Variants in GLIPR1 observed in about 807,000 individuals in gnomAD.
GLIPR1 encodes glioma pathogenesis-related protein 1.
A neutral mutation model predicts 30.3 loss-of-function variants in GLIPR1; 38 were observed. The ratio of observed to expected loss-of-function variants is 1.26; its 90% CI spans 0.97 to 1.65. The LOEUF is 1.65. Ranked by LOEUF, GLIPR1 falls within the 40% of genes most tolerant of loss-of-function variation. The probability of loss-of-function intolerance (pLI) is 0.00; values close to 1 mark genes in which losing one functional copy is unlikely to be tolerated. For synonymous variants in GLIPR1, 122 were observed against 110.6 expected (o/e 1.10, Z -0.65); for missense variants, 285 against 326.5 (o/e 0.87, Z 0.98).
At chr12:75,487,281 A>G (rs2046297750) in intron 2 of GLIPR1, among the ~76,000 whole-genome samples, 1 of 152,256 alleles carries the variant, frequency 6.6e-6, no homozygotes, top group African/African-American at 2.4e-5. Context: ...GGTCTGGGAC[A>G]GGCCCAAGAT....
Position 75,490,576 on chromosome 12 carries a change from A to G in GLIPR1, c.533+58A>G, listed in dbSNP as rs551983456. 2.9e-5 allele frequency: 9 copies of G among 308,082 alleles called. 2 individuals are homozygous for G. The African/African-American group carries it at 5.7e-4, about 19-fold the overall frequency. 19.1% of individuals were successfully genotyped at this position (308,082 alleles called of 1,614,324 possible). ...CGCCCCCCCCCCCCCGCAAAAAAAAACAACAACAAAAAAAAACATTTTAGC... is the reference window on the plus strand; with the variant it reads ...CGCCCCCCCCCCCCCGCAAAAAAAAGCAACAACAAAAAAAAACATTTTAGC... On this transcript the variant is annotated intron_variant, in intron 3 of 5. Coordinates refer to ENST00000266659, the MANE Select transcript of GLIPR1 (RefSeq NM_006851.3).
intron 2 of GLIPR1, among the ~76,000 whole-genome samples, chr12:75,485,054 T>A (rs2046287304): frequency 6.6e-6 from 1 of 152,172 alleles, no homozygotes; most frequent in Non-Finnish European, 1.5e-5. Context: ...GAAATCTTCC[T>A]GGGGGACTCA....
intron 2 of GLIPR1, among the ~76,000 whole-genome samples, chr12:75,489,303 A>C (rs2046309095): frequency 6.6e-6 from 1 of 152,060 alleles, no homozygotes; most frequent in Non-Finnish European, 1.5e-5. Flanking sequence ...TTTCCCTCCT[A>C]CATCACTGAC....
In GLIPR1 at chr12:75,500,757, A is replaced by AGATAAAACATCAAAC. The variant is rs1566103096; in HGVS notation, c.*1780_*1794dup. 1.3e-5 allele frequency: 2 copies of AGATAAAACATCAAAC among 152,046 alleles called. No individual in the cohort carries two copies. Among genetic ancestry groups the AGATAAAACATCAAAC allele is most frequent in the African/African-American group, 4.8e-5 (2 of 41,424 alleles). 9.4% of individuals were successfully genotyped at this position (152,046 alleles called of 1,614,324 possible). A position where few individuals can be genotyped will look rare whatever the true frequency, so the allele number is the denominator to read the frequency against. ...AGGATCACAGCATAAAAGAATCATAAGATAAAACATCAAACTACCCAGCAA... is the reference window on the plus strand; with the variant it reads ...AGGATCACAGCATAAAAGAATCATAAGATAAAACATCAAACGATAAAACATCAAACTACCCAGCAA... On this transcript the variant is annotated 3_prime_UTR_variant, in exon 6 of 6. Transcript: ENST00000266659.
At chr12:75,486,464 A>G (rs1432709588) in intron 2 of GLIPR1, among the ~76,000 whole-genome samples, 1 of 152,188 alleles carries the variant, frequency 6.6e-6, no homozygotes, top group African/African-American at 2.4e-5. Flanking sequence ...TATTGTTATT[A>G]TCCTCATTTA....
At chr12:75,490,782 A>AT in intron 3 of GLIPR1, 1 of 256,094 alleles carries the variant, frequency 3.9e-6, no homozygotes, top group Non-Finnish European at 7.5e-6. Context: ...ATACGCACAT[A>AT]TTTTTAAGAG....
At chr12:75,488,654 T>G (rs566210900) in intron 2 of GLIPR1, among the ~76,000 whole-genome samples, 1 of 150,422 alleles carries the variant, frequency 6.6e-6, no homozygotes, top group African/African-American at 2.4e-5. Flanking sequence ...TAAAGTAAAC[T>G]TCTTCATTTT....
intron 2 of GLIPR1, chr12:75,487,753 G>A: frequency 2.2e-6 from 1 of 456,496 alleles, no homozygotes; most frequent in Admixed American, 2.3e-5. Context: ...CACAGGAAAG[G>A]GGTCGGGATC....
chr12:75,487,582 G>GT (rs2120514632), intron 2 of GLIPR1, among the ~76,000 whole-genome samples: 1 of 152,110 alleles, frequency 6.6e-6, no homozygotes, highest in East Asian at 1.9e-4. Flanking sequence ...CCAAAGGAGG[G>GT]TACCCTCTCC....
chr12:75,488,172 T>G (rs556364873), intron 2 of GLIPR1, among the ~76,000 whole-genome samples: 1 of 152,288 alleles, frequency 6.6e-6, no homozygotes, highest in Non-Finnish European at 1.5e-5. Context: ...CCCCTGTGAC[T>G]TAGAATGCCT....
chr12:75,483,989 G>A (rs908450591), intron 2 of GLIPR1: 1 of 152,156 alleles, frequency 6.6e-6, no homozygotes, highest in African/African-American at 2.4e-5. Context: ...GAACATTTGA[G>A]TTTATGCCAT....
rs375580761 is a variant in GLIPR1, at chr12:75,501,930, G to A, written c.*2952G>A. 152 of 1,612,130 alleles carry A rather than the reference G, an allele frequency of 9.4e-5. No individual in the cohort carries two copies. The highest frequency in any genetic ancestry group is 5.2e-4 in the Admixed American group (31 of 59,876). On this transcript the variant is annotated 3_prime_UTR_variant, in exon 6 of 6. Coordinates refer to ENST00000266659, the MANE Select transcript of GLIPR1 (RefSeq NM_006851.3). ...AGACATAAAGTGCCGTACCTTTATT[G>A]CTTCCATTTTCTGCCGCTTCTTCTG... is the stretch of plus-strand genomic sequence containing the variant.
chr12:75,495,053 TTTA>T (rs1257646084), intron 3 of GLIPR1: 1 of 152,308 alleles, frequency 6.6e-6, no homozygotes, highest in African/African-American at 2.4e-5. Flanking sequence ...CATACCATTA[TTTA>T]TTATTTTTTT....
intron 4 of GLIPR1, chr12:75,498,453 ATAGT>A: frequency 2.6e-6 from 1 of 382,140 alleles, no homozygotes; most frequent in Non-Finnish European, 4.6e-6. Flanking sequence ...TTTTCCATTT[ATAGT>A]AATGGTATAG....
At chr12:75,489,568 C>T (rs767887078) in intron 2 of GLIPR1, among the ~76,000 whole-genome samples, 1 of 152,110 alleles carries the variant, frequency 6.6e-6, no homozygotes, top group African/African-American at 2.4e-5. Flanking sequence ...CTCCTCCTTC[C>T]CTAGTTTTCT....
intron 2 of GLIPR1, chr12:75,489,800 C>T (rs10879923): frequency 0.35 from 52,701 of 152,176 alleles, 9,465 homozygotes; most frequent in East Asian, 0.45. Flanking sequence ...CCTTGCTCTT[C>T]TCAGTCCGTT....
intron 3 of GLIPR1, chr12:75,491,776 T>C (rs1383191878): frequency 6.6e-6 from 1 of 152,086 alleles, no homozygotes; most frequent in Non-Finnish European, 1.5e-5. Context: ...ATTTTTCTAC[T>C]AGATTTTCTT....
chr12:75,485,192 G>A (rs572751245), intron 2 of GLIPR1, among the ~76,000 whole-genome samples: 5 of 152,270 alleles, frequency 3.3e-5, no homozygotes, highest in South Asian at 2.1e-4. Context: ...ATGATGGGAG[G>A]TTGTACAGAA....
intron 3 of GLIPR1, chr12:75,492,863 A>G (rs1247459767): frequency 6.6e-6 from 1 of 152,188 alleles, no homozygotes; most frequent in Non-Finnish European, 1.5e-5. Context: ...CAATTAAGGA[A>G]CTATAAATAA....
Sources: allele counts gnomAD v4.1 joint callset (sites outside exome capture counted in the v4.1 genomes callset), GRCh38; gene constraint gnomAD v4.1.1; transcripts MANE v1.5; gene names NCBI Gene and HGNC (gene_info 2026-07-23, HGNC 2026-07-21).